SLC30A9: variants seen among roughly 807,000 people sequenced by gnomAD.
SLC30A9 encodes the protein proton-coupled zinc antiporter SLC30A9, mitochondrial.
Under a neutral mutation model 87.5 loss-of-function variants are expected in SLC30A9, and 58 were observed. That is an observed-to-expected ratio of 0.66 (90% confidence interval 0.54 to 0.82). The LOEUF (loss-of-function observed/expected upper bound fraction) is 0.82, where lower values mean the gene tolerates loss of function less well. Ranked by LOEUF, SLC30A9 falls within the 40% of genes least tolerant of loss-of-function variation. The pLI, the probability that SLC30A9 is intolerant of heterozygous loss-of-function variation, is 0.00. For missense variants in SLC30A9, 557 were observed against 679.1 expected (o/e 0.82, Z 2.00); for synonymous variants, 234 against 233.0 (o/e 1.00, Z -0.04).
At chr4:42,033,432 A>G (rs1202585578) in intron 6 of SLC30A9, among the ~76,000 whole-genome samples, 1 of 151,930 alleles carries the variant, frequency 6.6e-6, no homozygotes, top group Non-Finnish European at 1.5e-5. Flanking sequence ...TGAGACCAGG[A>G]GTTTGAGACC....
chr4:42,032,607 A>G (rs1231564404), intron 6 of SLC30A9, among the ~76,000 whole-genome samples: 1 of 152,150 alleles, frequency 6.6e-6, no homozygotes, highest in Non-Finnish European at 1.5e-5. Context: ...GTTTCTTGAG[A>G]GTATAGGAGT....
intron 17 of SLC30A9, among the ~76,000 whole-genome samples, chr4:42,084,575 G>A (rs1030032090): frequency 1.3e-5 from 2 of 152,050 alleles, no homozygotes; most frequent in African/African-American, 2.4e-5. Flanking sequence ...GGGTTCAAGC[G>A]ATTCTCCTGC....
At chr4:42,084,738 T>C (rs1319563931) in intron 17 of SLC30A9, among the ~76,000 whole-genome samples, 2 of 152,268 alleles carry the variant, frequency 1.3e-5, no homozygotes, top group Non-Finnish European at 2.9e-5. Context: ...CCCAGAGTGC[T>C]GGGATTACAG....
intron 8 of SLC30A9, among the ~76,000 whole-genome samples, chr4:42,042,812 C>T (rs1235661234): frequency 6.6e-6 from 1 of 152,156 alleles, no homozygotes. Context: ...CAACAGACAC[C>T]TCATACAGGA....
intron 14 of SLC30A9, among the ~76,000 whole-genome samples, chr4:42,067,972 GTTGT>G (rs1279910548): frequency 4.6e-5 from 7 of 152,168 alleles, no homozygotes; most frequent in South Asian, 2.1e-4. Context: ...CATATTTGTG[GTTGT>G]TTATTTTTGA....
At chr4:42,037,862 C>G (rs1272797497) in intron 7 of SLC30A9, among the ~76,000 whole-genome samples, 2 of 152,042 alleles carry the variant, frequency 1.3e-5, no homozygotes, top group Admixed American at 6.6e-5. Flanking sequence ...CCTCCGCCTC[C>G]CGGGTTCAAG....
chr4:42,032,413 T>C (rs922283818), intron 6 of SLC30A9, among the ~76,000 whole-genome samples: 1 of 152,234 alleles, frequency 6.6e-6, no homozygotes, highest in Non-Finnish European at 1.5e-5. Context: ...TGGAAGGATG[T>C]AACTAGAAGC....
At chr4:42,044,401 A>G (rs2153137946) in intron 8 of SLC30A9, among the ~76,000 whole-genome samples, 1 of 151,788 alleles carries the variant, frequency 6.6e-6, no homozygotes, top group East Asian at 1.9e-4. Flanking sequence ...AAAAAAAAAA[A>G]AAAGCAGGGT....
intron 1 of SLC30A9, among the ~76,000 whole-genome samples, chr4:41,995,899 T>A (rs1405980994): frequency 1.3e-5 from 2 of 152,066 alleles, no homozygotes; most frequent in South Asian, 4.1e-4. Flanking sequence ...TGTTAGAGAC[T>A]GGGTTTCACC....
chr4:42,078,232 T>A lies in SLC30A9; in HGVS notation c.1569T>A (p.Thr523=), dbSNP rs1212844677. 1.0e-5 allele frequency: 16 copies of A among 1,541,644 alleles called. No homozygotes were observed. The highest frequency in any genetic ancestry group is 1.3e-5 in the Non-Finnish European group (15 of 1,136,494). The change falls in exon 17 of 18, where the codon ACT becomes ACA. Residue 523 remains threonine (T), a synonymous_variant. Transcript: ENST00000264451. The part of the protein sequence containing the change: ...QMLQEIQEVK[T]PEELETFMLK... ...TATAGGAAATTCAAGAAGTGAAAAC[T>A]CCTGAAGAACTAGAGACCTTTATGC...
chr4:42,076,733 G>A (rs1014252452), intron 16 of SLC30A9, among the ~76,000 whole-genome samples: 1 of 152,060 alleles, frequency 6.6e-6, no homozygotes, highest in African/African-American at 2.4e-5. Flanking sequence ...GGAGGCCGAG[G>A]TGGGCGGATC....
At position 42,030,598 on chromosome 4, in the gene SLC30A9, T is replaced by TG. The variant is rs1560544131; in HGVS notation, c.611-4677_611-4676insG. On this transcript the variant is annotated intron_variant, in intron 6 of 17. Coordinates refer to ENST00000264451, the MANE Select transcript of SLC30A9 (RefSeq NM_006345.4). ...GGCATGGTCTTTTTTTTTTTTTTTT[T>TG]TGGGCTCTTTCAAAGATAATGGCCC... is the stretch of plus-strand genomic sequence containing the variant. Among the ~76,000 whole-genome samples, 143 of 28,082 alleles carry TG rather than the reference T, an allele frequency of 5.1e-3. 1 individual carries two copies. Among genetic ancestry groups the TG allele is most frequent in the Admixed American group, 0.011 (12 of 1,048 alleles). 18.4% of individuals were successfully genotyped at this position (28,082 alleles called of 152,430 possible). A position where few individuals can be genotyped will look rare whatever the true frequency, so the allele number is the denominator to read the frequency against.
intron 17 of SLC30A9, 34 bp from the exon 18 acceptor site, chr4:42,086,048 C>T (rs1718913996): frequency 2.1e-6 from 2 of 947,960 alleles, no homozygotes; most frequent in East Asian, 4.2e-5. Flanking sequence ...TTTTATTTTG[C>T]TACAAATAAT....
intron 12 of SLC30A9, 73 bp from the exon 13 acceptor site, chr4:42,066,477 C>A: frequency 1.1e-6 from 1 of 903,240 alleles, no homozygotes; most frequent in Non-Finnish European, 1.7e-6. Context: ...ATTTGTTTAT[C>A]TTTTGAGATG....
intron 9 of SLC30A9, among the ~76,000 whole-genome samples, chr4:42,056,110 C>A (rs1468147581): frequency 2.0e-5 from 3 of 152,090 alleles, no homozygotes; most frequent in Non-Finnish European, 2.9e-5. Context: ...GGTCCATATT[C>A]ATTTTATAAA....
At chr4:42,007,098 G>A (rs539190483) in intron 2 of SLC30A9, among the ~76,000 whole-genome samples, 4 of 152,306 alleles carry the variant, frequency 2.6e-5, no homozygotes, top group Admixed American at 2.6e-4. Flanking sequence ...GAGGGAGATT[G>A]AAAGTAGTAG....
chr4:42,010,537 G>A (rs1176645349), intron 2 of SLC30A9, among the ~76,000 whole-genome samples: 2 of 152,040 alleles, frequency 1.3e-5, no homozygotes, highest in Non-Finnish European at 2.9e-5. Flanking sequence ...TTTCCTAGTG[G>A]TTTTCACTGA....
At chr4:42,040,358 A>G (rs961222373) in intron 8 of SLC30A9, among the ~76,000 whole-genome samples, 6 of 152,206 alleles carry the variant, frequency 3.9e-5, no homozygotes, top group African/African-American at 1.2e-4. Context: ...GTACTTAAGA[A>G]GTATTATTGT....
At chr4:42,001,555 G>T (rs1409776534) in intron 1 of SLC30A9, 61 bp from the exon 2 acceptor site, 15 of 1,070,570 alleles carry the variant, frequency 1.4e-5, no homozygotes, top group Non-Finnish European at 2.0e-5. Context: ...GGGTGGCTTG[G>T]CAATTAATTA....
Sources: gnomAD v4.1 joint callset for allele counts (sites outside exome capture counted in the v4.1 genomes callset) on GRCh38, gnomAD v4.1.1 for gene constraint, MANE v1.5 for transcripts, NCBI Gene and HGNC (gene_info 2026-07-23, HGNC 2026-07-21) for gene names.